ZHX3: variants seen among roughly 807,000 people sequenced by gnomAD.
ZHX3 encodes the protein zinc fingers and homeoboxes protein 3.
ZHX3 carries 20 observed loss-of-function variants against 64.5 expected under a neutral mutation model. The ratio of observed to expected loss-of-function variants is 0.31; its 90% CI spans 0.22 to 0.45. The LOEUF (loss-of-function observed/expected upper bound fraction) is 0.45. ZHX3 is among the 20% of genes least tolerant of loss of function. The probability of loss-of-function intolerance (pLI) is 1.00; values close to 1 mark genes in which losing one functional copy is unlikely to be tolerated. For synonymous variants in ZHX3, 423 were observed against 461.6 expected, an observed-to-expected ratio of 0.92 and a Z score of 1.07; for missense variants, 1,041 against 1,195.8, an observed-to-expected ratio of 0.87 and a Z score of 1.91.
At position 41,212,447 on chromosome 20, in the gene ZHX3, T is replaced by C. The variant is rs2039225789; in HGVS notation, c.-150-7381A>G. 1.3e-5 allele frequency among the ~76,000 whole-genome samples: 2 copies of C among 152,124 alleles called. No individual in the cohort carries two copies. Among genetic ancestry groups the C allele is most frequent in the South Asian group, 4.1e-4 (2 of 4,826 alleles). Reference sequence around the variant, plus strand: ...TTGCTGATGAAAATGTAAAATGGTATAGCCACTTTGGAAAACTGTTTGGCA... The same window carrying C: ...TTGCTGATGAAAATGTAAAATGGTACAGCCACTTTGGAAAACTGTTTGGCA... On this transcript the variant is annotated intron_variant, in intron 2 of 3. Coordinates refer to ENST00000683867, the MANE Select transcript of ZHX3 (RefSeq NM_001384317.1). This position sits in a 1 kb window ranked among gnomAD's most constrained non-coding sequence, Gnocchi z 4.3.
chr20:41,189,465 T>C (rs963100490), intron 3 of ZHX3, among the ~76,000 whole-genome samples: 5 of 152,232 alleles, frequency 3.3e-5, no homozygotes, highest in African/African-American at 1.2e-4. Context: ...TTCCAATCCA[T>C]AAGCTTGGGA....
Position 41,203,684 on chromosome 20 carries a change from T to C in ZHX3, c.1233A>G (p.Pro411=), listed in dbSNP as rs1419186637. The C allele has an allele frequency of 6.2e-7, 1 of 1,614,044 alleles. No homozygotes were observed. The highest frequency in any genetic ancestry group is 8.5e-7 in the Non-Finnish European group (1 of 1,180,016). The stretch of plus-strand genomic sequence containing the variant: ...CCTCTGGCTGCCCCACAACGTGACC[T>C]GGAAGAGCGGCCTGGATGAGATGCT... ...NVQHLIQAAL[P]GHVVGQPEGT... is the part of the protein sequence containing the mutation. The change falls in exon 3 of 4, where the codon CCA becomes CCG. Residue 411 remains proline, a synonymous_variant. Transcript: ENST00000683867. The surrounding 1 kb of genome is among the most constrained non-coding windows in gnomAD (Gnocchi z 7.1).
intron 2 of ZHX3, among the ~76,000 whole-genome samples, chr20:41,253,937 T>A (rs533423484): frequency 4.0e-5 from 6 of 151,708 alleles, no homozygotes; most frequent in African/African-American, 9.6e-5. Context: ...AAATTTTTCA[T>A]AATAAAATGT....
At position 41,204,786 on chromosome 20, in the gene ZHX3, T is replaced by A. The variant is rs1390976957; in HGVS notation, c.131A>T (p.Glu44Val). The A allele has an allele frequency of 1.2e-6, 2 of 1,613,740 alleles. No individual in the cohort carries two copies. The highest frequency in any genetic ancestry group is 1.7e-6 in the Non-Finnish European group (2 of 1,179,764). Residue 44 changes from glutamate (E) to valine (V), a missense_variant, in exon 3 of 4, where the codon GAA becomes GTA. This residue lies in a region of ZHX3 where 358 missense variants were observed against 369.1 expected (regional missense o/e 0.97). Transcript: ENST00000683867. The surrounding 1 kb of genome is among the most constrained non-coding windows in gnomAD (Gnocchi z 6.6). The part of the protein sequence containing the change: ...PEGPQQDLPP[E>V]ASAASSEAAQ... ...TGCCTCACTGCTGGCAGCAGATGCT[T>A]CTGGGGGCAGATCCTGCTGGGGTCC...
At chr20:41,193,757 A>AGTG (rs2037251851) in intron 3 of ZHX3, among the ~76,000 whole-genome samples, 2 of 148,882 alleles carry the variant, frequency 1.3e-5, no homozygotes, top group African/African-American at 5.0e-5. Flanking sequence ...ACCAGGCTGG[A>AGTG]GTGCAGTGGC....
chr20:41,257,815 G>C lies in ZHX3; in HGVS notation c.-151+11175C>G, dbSNP rs562477019. On this transcript the variant is annotated intron_variant, in intron 2 of 3. Transcript: ENST00000683867. ...TTTAGTAGAGACGGGGTTTCACCAT[G>C]CTAGCCAGGCTGGTCTCGAACTCCT... is the stretch of plus-strand genomic sequence containing the variant. Among the ~76,000 whole-genome samples the C allele has an allele frequency of 3.4e-5, 5 of 145,782 alleles. No homozygotes were observed. The East Asian group carries it at 9.8e-4, about 29-fold the overall frequency.
At chr20:41,286,519 A>G (rs1005374436) in intron 1 of ZHX3, among the ~76,000 whole-genome samples, 3 of 152,208 alleles carry the variant, frequency 2.0e-5, no homozygotes, top group Non-Finnish European at 4.4e-5. Context: ...TGTAATTCTT[A>G]TATGAGAACT....
At chr20:41,275,502 C>T (rs191280748) in intron 1 of ZHX3, among the ~76,000 whole-genome samples, 105 of 152,264 alleles carry the variant, frequency 6.9e-4, no homozygotes, top group African/African-American at 2.5e-3. Flanking sequence ...GATGCAGTGA[C>T]GCAAAAGATA....
chr20:41,296,891 C>G (rs1055542470), intron 1 of ZHX3, among the ~76,000 whole-genome samples: 1 of 152,198 alleles, frequency 6.6e-6, no homozygotes, highest in South Asian at 2.1e-4. Flanking sequence ...TAATGACAAT[C>G]TCTTCTGGCT....
In ZHX3 at chr20:41,201,834, T is replaced by G. The variant is rs2038242839; in HGVS notation, c.2860+223A>C. ...ACCATGTTCCTTCCCCTGCGCAGGT[T>G]TTTAAAAACACATGAAACAAAAAAC... On this transcript the variant is annotated intron_variant, in intron 3 of 3. Coordinates refer to ENST00000683867, the MANE Select transcript of ZHX3 (RefSeq NM_001384317.1). This position sits in a 1 kb window ranked among gnomAD's most constrained non-coding sequence, Gnocchi z 5.0. Among the ~76,000 whole-genome samples the G allele has an allele frequency of 6.6e-6, 1 of 152,158 alleles. No homozygotes were observed. The highest frequency in any genetic ancestry group is 1.5e-5 in the Non-Finnish European group (1 of 68,024).
At chr20:41,282,221 G>A (rs1461341815) in intron 1 of ZHX3, among the ~76,000 whole-genome samples, 1 of 152,180 alleles carries the variant, frequency 6.6e-6, no homozygotes. Context: ...TCTAGATCCT[G>A]TGGTATGCTG....
In ZHX3 at chr20:41,185,534, G is replaced by A. The variant is rs2036447869; in HGVS notation, c.2861-333C>T. 4.1e-6 allele frequency: 2 copies of A among 485,292 alleles called. No individual in the cohort carries two copies. The highest frequency in any genetic ancestry group is 3.8e-5 in the South Asian group (1 of 26,618). The allele number at this position is 485,292 out of a possible 1,614,324, so 30.1% of individuals were successfully genotyped here. A position where few individuals can be genotyped will look rare whatever the true frequency, so the allele number is the denominator to read the frequency against. On this transcript the variant is annotated intron_variant, in intron 3 of 3. Transcript: ENST00000683867. The surrounding 1 kb of genome is among the most constrained non-coding windows in gnomAD (Gnocchi z 5.0). ...GGCTTCCGCCACCACCGTCTCTGGA[G>A]TCCTGTCCTAAAATGCTTCATCCTG...
chr20:41,265,787 A>G (rs945348634), intron 2 of ZHX3, among the ~76,000 whole-genome samples: 5 of 152,244 alleles, frequency 3.3e-5, no homozygotes, highest in African/African-American at 7.2e-5. Context: ...AAAAAGTATT[A>G]CTATTAACCG....
At chr20:41,199,641 T>C (rs2038053496) in intron 3 of ZHX3, among the ~76,000 whole-genome samples, 1 of 151,742 alleles carries the variant, frequency 6.6e-6, no homozygotes, top group African/African-American at 2.4e-5. Flanking sequence ...ATTGAGACAA[T>C]GATCAGCCTC....
chr20:41,214,398 C>A (rs1357135130), intron 2 of ZHX3, among the ~76,000 whole-genome samples: 1 of 152,158 alleles, frequency 6.6e-6, no homozygotes, highest in Non-Finnish European at 1.5e-5. Context: ...AACTGGGAGA[C>A]GACAGAAGCT....
At position 41,287,870 on chromosome 20, in the gene ZHX3, C is replaced by T. The variant is rs2044015707; in HGVS notation, c.-244-18787G>A. On this transcript the variant is annotated intron_variant, in intron 1 of 3. Coordinates refer to ENST00000683867, the MANE Select transcript of ZHX3 (RefSeq NM_001384317.1). The stretch of plus-strand genomic sequence containing the variant: ...AGGTATTTGTTGTTTTAAGATGCTA[C>T]TTTGAGTCATTTATTATGTAGCAAT... Among the ~76,000 whole-genome samples the T allele has an allele frequency of 4.6e-5, 7 of 152,282 alleles. No individual in the cohort carries two copies. In the South Asian group the frequency reaches 1.2e-3, roughly 27 times the overall value.
rs1236715736 is a variant in ZHX3 at position 41,203,954 on chromosome 20, G to A, written c.963C>T (p.Asn321=). The change falls in exon 3 of 4, where the codon AAC becomes AAT. Residue 321 remains asparagine (N), a synonymous_variant. Coordinates refer to ENST00000683867, the MANE Select transcript of ZHX3 (RefSeq NM_001384317.1). This position sits in a 1 kb window ranked among gnomAD's most constrained non-coding sequence, Gnocchi z 7.1. ...TGGGGTAGGGGAACTTGTGGAAGGA[G>A]TTCTTCAGGAAGCTGTTAGAGTCCA... ...AAMDSNSFLK[N]SFHKFPYPTK... is the part of the protein sequence containing the mutation. The A allele has an allele frequency of 1.2e-6, 2 of 1,614,246 alleles. No individual in the cohort carries two copies. The highest frequency in any genetic ancestry group is 1.7e-6 in the Non-Finnish European group (2 of 1,180,048).
chr20:41,186,902 T>C (rs1026271948), intron 3 of ZHX3, among the ~76,000 whole-genome samples: 2 of 152,236 alleles, frequency 1.3e-5, no homozygotes, highest in Admixed American at 1.3e-4. Flanking sequence ...TTTCAGCTCT[T>C]TTCTCCCATT....
At chr20:41,197,894 G>T (rs2037878133) in intron 3 of ZHX3, among the ~76,000 whole-genome samples, 1 of 151,304 alleles carries the variant, frequency 6.6e-6, no homozygotes, top group Non-Finnish European at 1.5e-5. Context: ...ATTTTTTAAT[G>T]AATTTGTCTT....
Sources: allele counts gnomAD v4.1 joint callset (sites outside exome capture counted in the v4.1 genomes callset), GRCh38; gene constraint gnomAD v4.1.1; regional missense constraint gnomAD v4.1.1; non-coding constraint Gnocchi (gnomAD v3.1); transcripts MANE v1.5; gene names NCBI Gene and HGNC (gene_info 2026-07-23, HGNC 2026-07-21).